The following ITGA9 variants were observed in gnomAD, a reference collection of about 807,000 sequenced individuals.
ITGA9 encodes the protein integrin alpha-9.
ITGA9 carries 56 observed loss-of-function variants against 127.8 expected under a neutral mutation model. The observed-to-expected ratio is 0.44, with a 90% CI of 0.35 to 0.55. The LOEUF is 0.55. Ranked by LOEUF, ITGA9 falls within the 20% of genes least tolerant of loss-of-function variation. The probability of loss-of-function intolerance (pLI) is 0.00; values close to 1 mark genes in which losing one functional copy is unlikely to be tolerated. For missense variants in ITGA9, 1,196 were observed against 1,347.1 expected, an observed-to-expected ratio of 0.89 and a Z score of 1.76; for synonymous variants, 508 against 514.5, an observed-to-expected ratio of 0.99 and a Z score of 0.17.
rs1281962201 is a variant in ITGA9, at chr3:37,743,999, G to A, written c.2398G>A (p.Glu800Lys). 5 of 1,614,076 alleles carry A rather than the reference G, an allele frequency of 3.1e-6. No homozygotes were observed. Among genetic ancestry groups the A allele is most frequent in the Admixed American group, 1.7e-5 (1 of 60,024 alleles). The part of the protein sequence containing the change: ...AANFIQLDDL[E>K]CHFQPINITL... ...CAACTTCATTCAGCTGGATGACCTG[G>A]AGTGTCACTTTCAGCCCATCAATAT... Residue 800 changes from glutamate to lysine, a missense_variant, in exon 22 of 28, where the codon GAG becomes AAG. By Grantham distance (56) the Glu-to-Lys change is moderately conservative. Transcript: ENST00000264741.
chr3:37,648,305 C>A lies in ITGA9; in HGVS notation c.1840-5409C>A, dbSNP rs148383448. ...TGTGGATATTTCAGCAGAAACCTTG[C>A]AGGTCAGAAGAGAGTGGGGTGATAT... is the stretch of plus-strand genomic sequence containing the variant. On this transcript the variant is annotated intron_variant, in intron 16 of 27. Transcript: ENST00000264741. Among the ~76,000 whole-genome samples, 252 of 152,212 alleles carry A rather than the reference C, an allele frequency of 1.7e-3. 1 individual carries two copies. Among genetic ancestry groups the A allele is most frequent in the African/African-American group, 5.8e-3 (239 of 41,534 alleles).
intron 18 of ITGA9, among the ~76,000 whole-genome samples, chr3:37,691,580 G>A (rs1559569000): frequency 6.6e-6 from 1 of 152,114 alleles, no homozygotes; most frequent in Non-Finnish European, 1.5e-5. Flanking sequence ...TCTGAACATC[G>A]TATGAGCCAA....
At chr3:37,812,275 T>C (rs1405777481) in intron 27 of ITGA9, among the ~76,000 whole-genome samples, 1 of 152,174 alleles carries the variant, frequency 6.6e-6, no homozygotes, top group African/African-American at 2.4e-5. Flanking sequence ...GTCAAGTAAC[T>C]GAAGAGAACT....
rs1018652100 is a variant in ITGA9, at chr3:37,819,815, A to T, written c.*826A>T. Reference sequence around the variant, plus strand: ...AAGCTTGGAGCAATGCCATGTGGTCATCTGGTAAACCTCAGAATGGCGTCT... The same window carrying T: ...AAGCTTGGAGCAATGCCATGTGGTCTTCTGGTAAACCTCAGAATGGCGTCT... On this transcript the variant is annotated 3_prime_UTR_variant, in exon 28 of 28. Coordinates refer to ENST00000264741, the MANE Select transcript of ITGA9 (RefSeq NM_002207.3). The T allele has an allele frequency of 1.3e-5, 2 of 152,278 alleles. No individual in the cohort carries two copies. Among genetic ancestry groups the T allele is most frequent in the African/African-American group, 4.8e-5 (2 of 41,456 alleles). 9.4% of individuals were successfully genotyped at this position (152,278 alleles called of 1,614,324 possible). A position where few individuals can be genotyped will look rare whatever the true frequency, so the allele number is the denominator to read the frequency against.
chr3:37,612,897 C>T (rs996418210), intron 15 of ITGA9, among the ~76,000 whole-genome samples: 3 of 151,650 alleles, frequency 2.0e-5, no homozygotes, highest in Non-Finnish European at 4.4e-5. Flanking sequence ...CAAAACATGA[C>T]CCTGAGGAGG....
At chr3:37,555,797 G>A (rs911473337) in intron 15 of ITGA9, among the ~76,000 whole-genome samples, 1 of 152,210 alleles carries the variant, frequency 6.6e-6, no homozygotes, top group Non-Finnish European at 1.5e-5. Context: ...TCCACATACA[G>A]GCCCCATATA....
At chr3:37,518,572 G>T (rs1344651566) in intron 10 of ITGA9, among the ~76,000 whole-genome samples, 1 of 152,026 alleles carries the variant, frequency 6.6e-6, no homozygotes, top group Non-Finnish European at 1.5e-5. Flanking sequence ...ATAAGGAATG[G>T]TCCTTTATCC....
chr3:37,676,299 A>G (rs754047216), intron 17 of ITGA9, among the ~76,000 whole-genome samples: 23 of 152,206 alleles, frequency 1.5e-4, no homozygotes, highest in Non-Finnish European at 2.9e-4. Flanking sequence ...ACTCATGTGT[A>G]TGTTAAACTT....
At chr3:37,571,527 C>T (rs1699602206) in intron 15 of ITGA9, among the ~76,000 whole-genome samples, 1 of 152,122 alleles carries the variant, frequency 6.6e-6, no homozygotes, top group Non-Finnish European at 1.5e-5. Flanking sequence ...ACCAGTGGTT[C>T]TTAAACTTTT....
At position 37,500,652 on chromosome 3, in the gene ITGA9, T is replaced by G. The variant is rs10514701; in HGVS notation, c.613-2526T>G. Among the ~76,000 whole-genome samples, 930 of 152,356 alleles carry G rather than the reference T, an allele frequency of 6.1e-3. 30 individuals carry two copies. The highest frequency in any genetic ancestry group is 0.051 in the Admixed American group (778 of 15,300). Reference sequence around the variant, plus strand: ...CCCTGAGAATTCAGTGGTGACTTTATGAATTGTCCTCAGAAATTCTAAATC... The same window carrying G: ...CCCTGAGAATTCAGTGGTGACTTTAGGAATTGTCCTCAGAAATTCTAAATC... On this transcript the variant is annotated intron_variant, in intron 5 of 27. Coordinates refer to ENST00000264741, the MANE Select transcript of ITGA9 (RefSeq NM_002207.3).
chr3:37,737,070 C>A, intron 20 of ITGA9, 87 bp downstream of exon 20: 2 of 892,468 alleles, frequency 2.2e-6, no homozygotes, highest in Non-Finnish European at 3.8e-6. Context: ...TTTGATGAAT[C>A]CCAGGATGCT....
chr3:37,481,899 C>A (rs1698559849), intron 4 of ITGA9, among the ~76,000 whole-genome samples: 1 of 152,234 alleles, frequency 6.6e-6, no homozygotes, highest in Non-Finnish European at 1.5e-5. Context: ...TTCACCAAGC[C>A]TCAGCCAAGT....
chr3:37,714,658 C>T (rs933474491), intron 18 of ITGA9, among the ~76,000 whole-genome samples: 3 of 152,194 alleles, frequency 2.0e-5, no homozygotes, highest in African/African-American at 7.2e-5. Context: ...GTCTCCTGAC[C>T]ACTAGCATCC....
At chr3:37,495,334 C>G (rs1050277001) in intron 5 of ITGA9, among the ~76,000 whole-genome samples, 1 of 152,124 alleles carries the variant, frequency 6.6e-6, no homozygotes, top group African/African-American at 2.4e-5. Context: ...CTTATGTGCC[C>G]GTGTGGTAGT....
At chr3:37,636,505 T>G (rs1285665522) in intron 16 of ITGA9, among the ~76,000 whole-genome samples, 2 of 152,220 alleles carry the variant, frequency 1.3e-5, no homozygotes, top group African/African-American at 2.4e-5. Context: ...TAAATTTGTT[T>G]GAGTTCATTG....
intron 15 of ITGA9, among the ~76,000 whole-genome samples, chr3:37,618,290 A>C (rs1700094697): frequency 6.6e-6 from 1 of 152,236 alleles, no homozygotes; most frequent in South Asian, 2.1e-4. Flanking sequence ...ATTGGTGAAC[A>C]GCAAATGTAG....
At chr3:37,600,428 C>T (rs1281502882) in intron 15 of ITGA9, among the ~76,000 whole-genome samples, 3 of 152,124 alleles carry the variant, frequency 2.0e-5, no homozygotes, top group Non-Finnish European at 4.4e-5. Flanking sequence ...GTGCTACACT[C>T]GAGCCAAGGT....
At position 37,629,636 on chromosome 3, in the gene ITGA9, C is replaced by T; in HGVS notation, c.1839+300C>T. On this transcript the variant is annotated intron_variant, in intron 16 of 27. Coordinates refer to ENST00000264741, the MANE Select transcript of ITGA9 (RefSeq NM_002207.3). The surrounding 1 kb of genome is among the most constrained non-coding windows in gnomAD (Gnocchi z 4.5). ...TTGGTCCCTGAACTTGCCTCTGTTC[C>T]TAGACTGTTTTCAGAGCTTAGATTG... 1 of 596,970 alleles carries T rather than the reference C, an allele frequency of 1.7e-6. No individual in the cohort carries two copies. The highest frequency in any genetic ancestry group is 2.8e-5 in the East Asian group (1 of 36,012). The allele number at this position is 596,970 out of a possible 1,614,324, so 37.0% of individuals were successfully genotyped here.
intron 9 of ITGA9, among the ~76,000 whole-genome samples, chr3:37,515,589 A>C (rs997854961): frequency 1.3e-5 from 2 of 152,158 alleles, no homozygotes; most frequent in Non-Finnish European, 2.9e-5. Flanking sequence ...AACACACAAA[A>C]AAATTAGCCT....
Sources: gnomAD v4.1 joint callset for allele counts (sites outside exome capture counted in the v4.1 genomes callset) on GRCh38, gnomAD v4.1.1 for gene constraint, Gnocchi (gnomAD v3.1) non-coding constraint, MANE v1.5 for transcripts, NCBI Gene and HGNC (gene_info 2026-07-23, HGNC 2026-07-21) for gene names.